CDC25B: variants seen among roughly 807,000 people sequenced by gnomAD.
The protein encoded by CDC25B is cell division cycle 25B, also known as M-phase inducer phosphatase 2.
Under a neutral mutation model 69.8 loss-of-function variants are expected in CDC25B, and 33 were observed. The observed-to-expected ratio is 0.47, with a 90% CI of 0.36 to 0.63. The LOEUF (loss-of-function observed/expected upper bound fraction) is 0.63, where lower values mean the gene tolerates loss of function less well. Among genes scored for constraint, CDC25B ranks in the 30% least tolerant of loss-of-function variants. The pLI, the probability that CDC25B is intolerant of heterozygous loss-of-function variation, is 0.00. For synonymous variants in CDC25B, 341 were observed against 314.6 expected (o/e 1.08, Z -0.89); for missense variants, 727 against 809.1 (o/e 0.90, Z 1.23).
At chr20:3,799,525 T>TGTGTGCGCGCGCGC (rs1211874383) in intron 3 of CDC25B, among the ~76,000 whole-genome samples, 4 of 68,686 alleles carry the variant, frequency 5.8e-5, no homozygotes, top group African/African-American at 1.9e-4. Context: ...TGTGTGTGTG[T>TGTGTGCGCGCGCGC]GCGCGCGCGC....
Position 3,797,721 on chromosome 20 carries a change from G to A in CDC25B, c.300G>A (p.Ser100=), listed in dbSNP as rs147311787. 936 of 1,614,034 alleles carry A rather than the reference G, an allele frequency of 5.8e-4. No homozygotes were observed. The African/African-American group carries it at 7.8e-3, about 13-fold the overall frequency. ...GACGGGCATCCGAATCCTCCCTGTC[G>A]TCTGAATCCTCCGAATCTTCTGATG... is the stretch of plus-strand genomic sequence containing the variant. ...LSRRASESSL[S]SESSESSDAG... The change falls in exon 2 of 16, where the codon TCG becomes TCA. Residue 100 remains serine, a synonymous_variant. Transcript: ENST00000245960.
chr20:3,801,896 C>T lies in CDC25B; in HGVS notation c.922-28C>T, dbSNP rs11570008. ...AGGGATGGGACGGGGCCTGGGCACCCTGATCCCTAACCTGCTGTCCCTGCC... is the reference window on the plus strand; with the variant it reads ...AGGGATGGGACGGGGCCTGGGCACCTTGATCCCTAACCTGCTGTCCCTGCC... On this transcript the variant is annotated intron_variant, in intron 9 of 15. Coordinates refer to ENST00000245960, the MANE Select transcript of CDC25B (RefSeq NM_021873.4). 6 of 1,595,454 alleles carry T rather than the reference C, an allele frequency of 3.8e-6. No homozygotes were observed. In the South Asian group the frequency reaches 6.8e-5, roughly 18 times the overall value.
At chr20:3,797,859 T>A in intron 2 of CDC25B, 110 bp downstream of exon 2, 4 of 1,376,730 alleles carry the variant, frequency 2.9e-6, no homozygotes, top group East Asian at 2.3e-5. Flanking sequence ...CCCCACAACC[T>A]GGTGGGCCCA....
intron 14 of CDC25B, among the ~76,000 whole-genome samples, chr20:3,804,156 C>T (rs1039149484): frequency 2.0e-5 from 3 of 152,208 alleles, no homozygotes; most frequent in East Asian, 3.9e-4. Context: ...ACCTGGGCAC[C>T]GGGCCTGGGC....
chr20:3,795,949 T>C (rs975395652), upstream of CDC25B: 6 of 986,932 alleles, frequency 6.1e-6, no homozygotes, highest in East Asian at 4.5e-4. Context: ...CGGGAGCCAG[T>C]TGGAGCCTCT....
intron 1 of CDC25B, among the ~76,000 whole-genome samples, chr20:3,788,833 T>C (rs1013506202): frequency 6.6e-6 from 1 of 151,376 alleles, no homozygotes; most frequent in Non-Finnish European, 1.5e-5. Flanking sequence ...TTCCCTTCTT[T>C]CTTTCTCTTT....
At chr20:3,795,013 A>G (rs1230183318), upstream of CDC25B, among the ~76,000 whole-genome samples, 1 of 152,200 alleles carries the variant, frequency 6.6e-6, no homozygotes, top group Non-Finnish European at 1.5e-5. Context: ...TGCAGCCTTC[A>G]GGCCTCTTGT....
rs988936270 is a variant in CDC25B, at chr20:3,801,396, G to T, written c.840+8G>T. ...CTAGAGAGTGACTTAAAGGTAAACA[G>T]CCTTGTCCCACCAGGCCCCTACCTT... is the stretch of plus-strand genomic sequence containing the variant. On this transcript the variant is annotated splice_region_variant and intron_variant, in intron 8 of 15. Transcript: ENST00000245960. The T allele has an allele frequency of 6.9e-6, 11 of 1,602,584 alleles. No individual in the cohort carries two copies. The highest frequency in any genetic ancestry group is 9.4e-6 in the Non-Finnish European group (11 of 1,173,314).
Position 3,802,388 on chromosome 20 carries a change from A to G in CDC25B, c.1194+12A>G. 1 of 1,586,370 alleles carries G rather than the reference A, an allele frequency of 6.3e-7. No individual in the cohort carries two copies. Among genetic ancestry groups the G allele is most frequent in the Non-Finnish European group, 8.6e-7 (1 of 1,163,030 alleles). On this transcript the variant is annotated intron_variant, in intron 11 of 15. Coordinates refer to ENST00000245960, the MANE Select transcript of CDC25B (RefSeq NM_021873.4). ...GAGATTACTCTAAGGTACCTGCAGC[A>G]GCGAAGGGGGTACCTTGGGGGCTTG...
At chr20:3,788,706 C>T (rs2088865615) in intron 1 of CDC25B, among the ~76,000 whole-genome samples, 2 of 152,164 alleles carry the variant, frequency 1.3e-5, no homozygotes, top group South Asian at 4.1e-4. Flanking sequence ...CCTTGCCATG[C>T]ATCTTTTCTT....
chr20:3,794,707 T>A (rs11569974), upstream of CDC25B, among the ~76,000 whole-genome samples: 5,679 of 151,984 alleles, frequency 0.037, 168 homozygotes, highest in Non-Finnish European at 0.056. Flanking sequence ...CTGGGCAAAA[T>A]TTGGAGAAAA....
intron 1 of CDC25B, among the ~76,000 whole-genome samples, chr20:3,787,726 G>A (rs2088848570): frequency 1.3e-5 from 2 of 152,192 alleles, no homozygotes; most frequent in Non-Finnish European, 2.9e-5. Flanking sequence ...CAGAGGGGAA[G>A]GCTGTGACCC....
intron 1 of CDC25B, among the ~76,000 whole-genome samples, chr20:3,791,018 G>T (rs1484658911): frequency 2.6e-5 from 4 of 152,074 alleles, no homozygotes; most frequent in Admixed American, 2.6e-4. Flanking sequence ...TTTACTCTAG[G>T]AAACTTGTTC....
chr20:3,802,614 C>T, intron 11 of CDC25B: 3 of 600,138 alleles, frequency 5.0e-6, no homozygotes, highest in South Asian at 4.1e-5. Context: ...TTTCCAAGCT[C>T]ATACCTAGCT....
chr20:3,799,531 C>CGT (rs2089197577), intron 3 of CDC25B, among the ~76,000 whole-genome samples: 2 of 145,654 alleles, frequency 1.4e-5, no homozygotes, highest in African/African-American at 5.1e-5. Context: ...TGTGTGCGCG[C>CGT]GCGCGCGTAG....
At chr20:3,791,263 G>T (rs1040770038) in intron 1 of CDC25B, among the ~76,000 whole-genome samples, 8 of 152,132 alleles carry the variant, frequency 5.3e-5, no homozygotes, top group African/African-American at 1.9e-4. Flanking sequence ...GGCCAACTTT[G>T]GTCTTGAACC....
rs1555774274 is a variant in CDC25B at position 3,799,534 on chromosome 20, G to GCGCT, written c.381-751_381-750insTCGC. On this transcript the variant is annotated intron_variant, in intron 3 of 15. Transcript: ENST00000245960. ...TGTGTGTGTGTGTGTGTGCGCGCGC[G>GCGCT]CGCGTAGATGCACAAAAGCTCCGCG... is the stretch of plus-strand genomic sequence containing the variant. Among the ~76,000 whole-genome samples the GCGCT allele has an allele frequency of 6.4e-4, 97 of 151,008 alleles. 1 individual carries two copies. Among genetic ancestry groups the GCGCT allele is most frequent in the African/African-American group, 2.3e-3 (92 of 40,830 alleles).
upstream of CDC25B, among the ~76,000 whole-genome samples, chr20:3,792,219 A>G (rs1173899164): frequency 6.7e-6 from 1 of 150,062 alleles, no homozygotes; most frequent in Non-Finnish European, 1.5e-5. Flanking sequence ...AGCCTAGAAC[A>G]ATGTTCATAT....
At chr20:3,794,169 G>A (rs1309665740), upstream of CDC25B, among the ~76,000 whole-genome samples, 1 of 150,688 alleles carries the variant, frequency 6.6e-6, no homozygotes, top group South Asian at 2.1e-4. Context: ...CTGAGGAATC[G>A]CCACACTGAC....
Sources: allele counts gnomAD v4.1 joint callset (sites outside exome capture counted in the v4.1 genomes callset), GRCh38; gene constraint gnomAD v4.1.1; transcripts MANE v1.5; gene names NCBI Gene and HGNC (gene_info 2026-07-23, HGNC 2026-07-21).